The following TANC1 variants were observed in gnomAD, a reference collection of about 807,000 sequenced individuals.
TANC1 encodes tetratricopeptide repeat, ankyrin repeat and coiled-coil containing 1, also known as protein TANC1.
In TANC1, 77 loss-of-function variants were observed where a neutral mutation model predicts 149.7. The ratio of observed to expected loss-of-function variants is 0.51; its 90% CI spans 0.43 to 0.62. The LOEUF (loss-of-function observed/expected upper bound fraction) is 0.62. Among genes scored for constraint, TANC1 ranks in the 20% least tolerant of loss-of-function variants. The pLI, the probability that TANC1 is intolerant of heterozygous loss-of-function variation, is 0.00. For missense variants in TANC1, 1,985 were observed against 2,321.8 expected, an observed-to-expected ratio of 0.85 and a Z score of 2.98; for synonymous variants, 854 against 925.0, an observed-to-expected ratio of 0.92 and a Z score of 1.39.
rs1458392146 is a variant in TANC1, at chr2:158,968,711, A to C, written c.-197A>C. 1 of 151,910 alleles carries C rather than the reference A, an allele frequency of 6.6e-6. No individual in the cohort carries two copies. Among genetic ancestry groups the C allele is most frequent in the Non-Finnish European group, 1.5e-5 (1 of 68,030 alleles). 9.4% of individuals were successfully genotyped at this position (151,910 alleles called of 1,614,324 possible). A position where few individuals can be genotyped will look rare whatever the true frequency, so the allele number is the denominator to read the frequency against. ...GAGGAGAGGCAGCCGCGGAGCGCCG[A>C]GCTGGCCTCGCCCCGAGGCCCGGCC... On this transcript the variant is annotated 5_prime_UTR_variant, in exon 1 of 27. Transcript: ENST00000263635.
intron 11 of TANC1, among the ~76,000 whole-genome samples, chr2:159,172,690 AAGTTGTAAT>A (rs1377457624): frequency 4.6e-4 from 70 of 152,284 alleles, no homozygotes; most frequent in African/African-American, 1.6e-3. Context: ...GTTTCTCGTG[AAGTTGTAAT>A]AGAGCCTTCC....
At chr2:158,979,784 A>G (rs2034091436) in intron 1 of TANC1, among the ~76,000 whole-genome samples, 1 of 152,256 alleles carries the variant, frequency 6.6e-6, no homozygotes, top group Non-Finnish European at 1.5e-5. Context: ...GTAGATTCCC[A>G]AGGCAATGGG....
chr2:159,181,290 TG>T (rs1486100720), intron 14 of TANC1, among the ~76,000 whole-genome samples: 2 of 151,564 alleles, frequency 1.3e-5, no homozygotes, highest in African/African-American at 4.9e-5. Context: ...ATACCCTCAT[TG>T]GATTTTTTTG....
chr2:159,021,601 G>A (rs1372008220), intron 2 of TANC1, among the ~76,000 whole-genome samples: 2 of 151,826 alleles, frequency 1.3e-5, no homozygotes, highest in East Asian at 1.9e-4. Context: ...GCAATGTAAC[G>A]AGACCCTATC....
intron 14 of TANC1, 76 bp from the exon 15 acceptor site, chr2:159,185,715 G>A: frequency 5.4e-6 from 5 of 930,976 alleles, no homozygotes; most frequent in Admixed American, 2.1e-5. Context: ...AAGGCAATGG[G>A]TGGTGAATTG....
At chr2:159,090,397 G>T (rs1203466611) in intron 3 of TANC1, among the ~76,000 whole-genome samples, 1 of 152,130 alleles carries the variant, frequency 6.6e-6, no homozygotes, top group Non-Finnish European at 1.5e-5. Flanking sequence ...CCACCTTCTT[G>T]CTTCTGTGGC....
chr2:159,052,140 A>G (rs1049552145), intron 2 of TANC1, among the ~76,000 whole-genome samples: 3 of 152,196 alleles, frequency 2.0e-5, no homozygotes, highest in Non-Finnish European at 4.4e-5. Flanking sequence ...ACTTTCAAAA[A>G]GAGTGAGGAG....
At chr2:159,183,396 A>G (rs778969624) in intron 14 of TANC1, among the ~76,000 whole-genome samples, 1 of 152,150 alleles carries the variant, frequency 6.6e-6, no homozygotes, top group Non-Finnish European at 1.5e-5. Context: ...ATCTAGCATC[A>G]CTGATGGAGA....
At chr2:159,090,227 GATACACATATAT>G (rs1466600067) in intron 3 of TANC1, among the ~76,000 whole-genome samples, 1 of 152,128 alleles carries the variant, frequency 6.6e-6, no homozygotes, top group Non-Finnish European at 1.5e-5. Flanking sequence ...TACATATGTA[GATACACATATAT>G]ATACACATAT....
chr2:158,982,277 T>C (rs187768789), intron 1 of TANC1, among the ~76,000 whole-genome samples: 5 of 152,340 alleles, frequency 3.3e-5, no homozygotes. Context: ...AGGTACTTTG[T>C]AACTATATTT....
chr2:159,179,404 A>G (rs531029068), intron 14 of TANC1, among the ~76,000 whole-genome samples: 4 of 152,166 alleles, frequency 2.6e-5, no homozygotes, highest in African/African-American at 9.6e-5. Context: ...TGTGGATAAA[A>G]GAGAAGCTGG....
chr2:159,228,893 G>C lies in TANC1; in HGVS notation c.4148G>C (p.Ser1383Thr), dbSNP rs753361408. 6.2e-7 allele frequency: 1 copy of C among 1,612,264 alleles called. No homozygotes were observed. Among genetic ancestry groups the C allele is most frequent in the Non-Finnish European group, 8.5e-7 (1 of 1,178,390 alleles). ...FYARARAKRN[S>T]RQFVAALADL... ...GCCAGAGCAAGAGCGAAGAGAAATA[G>C]CAGGTACCGTCTGTGGTTATCTTTG... The change falls in exon 26 of 27, where the codon AGC becomes ACC. Residue 1383 changes from serine (S) to threonine (T), a missense_variant. Coordinates refer to ENST00000263635, the MANE Select transcript of TANC1 (RefSeq NM_033394.3).
At chr2:159,015,576 T>C (rs2038189356) in intron 2 of TANC1, among the ~76,000 whole-genome samples, 1 of 152,240 alleles carries the variant, frequency 6.6e-6, no homozygotes, top group Non-Finnish European at 1.5e-5. Flanking sequence ...TTCTTTTCTA[T>C]TGCATTGTCA....
At position 159,168,519 on chromosome 2, in the gene TANC1, C is replaced by CTTGA. The variant is rs1356743348; in HGVS notation, c.947-730_947-727dup. On this transcript the variant is annotated intron_variant, in intron 8 of 26. Coordinates refer to ENST00000263635, the MANE Select transcript of TANC1 (RefSeq NM_033394.3). The stretch of plus-strand genomic sequence containing the variant: ...GTTTCACCATGTTGGCCAGGCTGGT[C>CTTGA]TTGAACTCCTGACCTCAAGCGATCC... Among the ~76,000 whole-genome samples the CTTGA allele has an allele frequency of 9.9e-5, 15 of 152,110 alleles. No individual in the cohort carries two copies. The South Asian group carries it at 3.1e-3, about 32-fold the overall frequency.
At chr2:159,208,602 C>T (rs1012349107) in intron 19 of TANC1, among the ~76,000 whole-genome samples, 21 of 152,156 alleles carry the variant, frequency 1.4e-4, no homozygotes, top group African/African-American at 5.1e-4. Context: ...CAGAGGGAGC[C>T]ACATTTTTCC....
In TANC1 at chr2:159,179,167, C is replaced by G. The variant is rs776207375; in HGVS notation, c.2510+4C>G. 1.2e-6 allele frequency: 2 copies of G among 1,600,988 alleles called. No homozygotes were observed. The highest frequency in any genetic ancestry group is 1.7e-6 in the Non-Finnish European group (2 of 1,172,636). ...CGGCCTTCCTGTGTGAGCCCAGGTA[C>G]GGCAGGCGCTTTCTTTCAGCTCTTT... On this transcript the variant is annotated splice_donor_region_variant and intron_variant, in intron 14 of 26. Coordinates refer to ENST00000263635, the MANE Select transcript of TANC1 (RefSeq NM_033394.3).
At chr2:159,047,821 TAAATTGAGACCTGTCTC>T (rs2041188267) in intron 2 of TANC1, among the ~76,000 whole-genome samples, 1 of 152,226 alleles carries the variant, frequency 6.6e-6, no homozygotes, top group Admixed American at 6.5e-5. Flanking sequence ...ATAAACTTTC[TAAATTGAGACCTGTCTC>T]AAATTTTGGG....
In TANC1 at chr2:158,991,559, C is replaced by A. The variant is rs190095337; in HGVS notation, c.-125-9521C>A. Among the ~76,000 whole-genome samples, 1,199 of 151,874 alleles carry A rather than the reference C, an allele frequency of 7.9e-3. 4 individuals carry two copies. Among genetic ancestry groups the A allele is most frequent in the Middle Eastern group, 0.02 (6 of 294 alleles). The stretch of plus-strand genomic sequence containing the variant: ...ACGAGGTCAGGAGATTGAGACCATC[C>A]TGGCTAACATGATGAAACCCCATCT... On this transcript the variant is annotated intron_variant, in intron 1 of 26. Transcript: ENST00000263635.
At chr2:159,025,357 G>C (rs264597) in intron 2 of TANC1, among the ~76,000 whole-genome samples, 1 of 151,472 alleles carries the variant, frequency 6.6e-6, no homozygotes, top group Non-Finnish European at 1.5e-5. Context: ...ATACAATGTT[G>C]TTAACTATAG....
Sources: gnomAD v4.1 joint callset for allele counts (sites outside exome capture counted in the v4.1 genomes callset) on GRCh38, gnomAD v4.1.1 for gene constraint, MANE v1.5 for transcripts, NCBI Gene and HGNC (gene_info 2026-07-23, HGNC 2026-07-21) for gene names.